Variants in ITGA8 observed in about 807,000 individuals in gnomAD.
ITGA8 encodes the protein integrin alpha-8.
In ITGA8, 91 loss-of-function variants were observed where a neutral mutation model predicts 142.3. The observed-to-expected ratio is 0.64, with a 90% CI of 0.54 to 0.76. ITGA8 has a LOEUF of 0.76. Ranked by LOEUF, ITGA8 falls within the 30% of genes least tolerant of loss-of-function variation. The pLI, the probability that ITGA8 is intolerant of heterozygous loss-of-function variation, is 0.00. For synonymous variants in ITGA8, 505 were observed against 485.2 expected (o/e 1.04, Z -0.54); for missense variants, 1,406 against 1,327.7 (o/e 1.06, Z -0.92).
rs2274288 is a variant in ITGA8 at position 15,548,658 on chromosome 10, A to G, written c.2767-90T>C. ...AGCTTATTTACATTTCATTTCCTCA[A>G]AAGTCATCACCTTATGATAAATTAT... On this transcript the variant is annotated intron_variant, in intron 26 of 29. Transcript: ENST00000378076. The G allele has an allele frequency of 3.9e-5, 29 of 737,486 alleles. No homozygotes were observed. In the East Asian group the frequency reaches 8.0e-4, roughly 20 times the overall value. 45.7% of individuals were successfully genotyped at this position (737,486 alleles called of 1,614,324 possible).
Position 15,561,209 on chromosome 10 carries a change from C to CTATATATATATATATATATATATATATG in ITGA8, c.2638-3008_2638-3007insCATATATATATATATATATATATATATA, listed in dbSNP as rs529527480. ...CTGGCCAAGTCTCCTTATCTGTTGG[C>CTATATATATATATATATATATATATATG]TATATATATATATATATATATATAT... On this transcript the variant is annotated intron_variant, in intron 25 of 29. Coordinates refer to ENST00000378076, the MANE Select transcript of ITGA8 (RefSeq NM_003638.3). 1.5e-4 allele frequency among the ~76,000 whole-genome samples: 17 copies of CTATATATATATATATATATATATATATG among 116,960 alleles called. 1 individual carries two copies. Among genetic ancestry groups the CTATATATATATATATATATATATATATG allele is most frequent in the South Asian group, 2.8e-4 (1 of 3,584 alleles). The allele number at this position is 116,960 out of a possible 152,430, so 76.7% of individuals were successfully genotyped here.
chr10:15,545,851 A>C (rs938699170), intron 27 of ITGA8, among the ~76,000 whole-genome samples: 6 of 152,118 alleles, frequency 3.9e-5, no homozygotes, highest in Non-Finnish European at 8.8e-5. Context: ...TGTGTTCTTT[A>C]AAAAACGTAA....
At chr10:15,545,755 C>T (rs547243257) in intron 27 of ITGA8, among the ~76,000 whole-genome samples, 31 of 152,112 alleles carry the variant, frequency 2.0e-4, no homozygotes, top group Admixed American at 2.0e-3. Flanking sequence ...GCCTGAGATT[C>T]ATCCATGCCA....
chr10:15,658,887 C>G, intron 10 of ITGA8, 112 bp downstream of exon 10: 1 of 744,542 alleles, frequency 1.3e-6, no homozygotes, highest in South Asian at 1.7e-5. Flanking sequence ...GTTTCCAGTA[C>G]GTAGTAGCTG....
intron 2 of ITGA8, among the ~76,000 whole-genome samples, chr10:15,690,638 CAA>C (rs1315263352): frequency 2.6e-5 from 4 of 152,182 alleles, no homozygotes; most frequent in African/African-American, 7.2e-5. Context: ...GGACCCAACA[CAA>C]AGAGGGATCT....
At chr10:15,694,678 C>CATATATATATATAT (rs71374639) in intron 2 of ITGA8, among the ~76,000 whole-genome samples, 5,749 of 77,298 alleles carry the variant, frequency 0.074, 418 homozygotes, top group South Asian at 0.098. Context: ...TATTTGTCGA[C>CATATATATATATAT]ATATATATAT....
chr10:15,670,823 G>C (rs1041671233), intron 8 of ITGA8, among the ~76,000 whole-genome samples: 2 of 152,104 alleles, frequency 1.3e-5, no homozygotes, highest in Non-Finnish European at 2.9e-5. Context: ...GCTGAGCCCA[G>C]ACTTTGCTCG....
chr10:15,593,839 ATTT>A (rs35907545), intron 21 of ITGA8, among the ~76,000 whole-genome samples: 30 of 137,294 alleles, frequency 2.2e-4, no homozygotes, highest in South Asian at 6.9e-4. Context: ...CCCAGCAAAG[ATTT>A]TTTTTTTTTT....
In ITGA8 at chr10:15,572,189, A is replaced by G. The variant is rs374662545; in HGVS notation, c.2637+22T>C. ...CCATAAAAATAAAATCAACAAAGCC[A>G]CTGATTAGACCAGACTCCTACCTTT... On this transcript the variant is annotated intron_variant, in intron 25 of 29. Coordinates refer to ENST00000378076, the MANE Select transcript of ITGA8 (RefSeq NM_003638.3). 1.6e-5 allele frequency: 25 copies of G among 1,544,864 alleles called. No individual in the cohort carries two copies. In the African/African-American group the frequency reaches 3.0e-4, roughly 19 times the overall value.
intron 2 of ITGA8, among the ~76,000 whole-genome samples, chr10:15,691,328 A>G (rs1834929990): frequency 6.6e-6 from 1 of 152,228 alleles, no homozygotes; most frequent in Non-Finnish European, 1.5e-5. Flanking sequence ...TGATCCAGCA[A>G]TCCCACTACT....
At chr10:15,558,041 T>A in intron 26 of ITGA8, 33 bp downstream of exon 26, 1 of 1,612,300 alleles carries the variant, frequency 6.2e-7, no homozygotes, top group Non-Finnish European at 8.5e-7. Flanking sequence ...GCCACTCATT[T>A]CCCTCAGTTC....
chr10:15,555,639 CT>C (rs1394878697), intron 26 of ITGA8, among the ~76,000 whole-genome samples: 3 of 152,018 alleles, frequency 2.0e-5, no homozygotes, highest in Non-Finnish European at 4.4e-5. Flanking sequence ...ACTGCTGCCC[CT>C]GTAGAAAGAA....
rs556759016 is a variant in ITGA8, at chr10:15,674,852, A to G, written c.677-2103T>C. On this transcript the variant is annotated intron_variant, in intron 6 of 29. Coordinates refer to ENST00000378076, the MANE Select transcript of ITGA8 (RefSeq NM_003638.3). ...CTACTCAGGAGGCAGAGGCAGGAGAATCACTTAAACCTGGGAGGCAGAGGT... is the reference window on the plus strand; with the variant it reads ...CTACTCAGGAGGCAGAGGCAGGAGAGTCACTTAAACCTGGGAGGCAGAGGT... Among the ~76,000 whole-genome samples, 36 of 152,168 alleles carry G rather than the reference A, an allele frequency of 2.4e-4. No homozygotes were observed. In the South Asian group the frequency reaches 5.2e-3, roughly 22 times the overall value.
chr10:15,687,916 C>G lies in ITGA8; in HGVS notation c.444+22G>C, dbSNP rs775390081. On this transcript the variant is annotated intron_variant, in intron 3 of 29. Transcript: ENST00000378076. The stretch of plus-strand genomic sequence containing the variant: ...CACACCATACTCCAAAGCAGCAGCA[C>G]AAGCCCACGGCTCATACTCACCACA... 4.2e-6 allele frequency: 6 copies of G among 1,415,206 alleles called. No individual in the cohort carries two copies. In the Admixed American group the frequency reaches 1.0e-4, roughly 24 times the overall value. 87.7% of individuals were successfully genotyped at this position (1,415,206 alleles called of 1,614,324 possible). A position where few individuals can be genotyped will look rare whatever the true frequency, so the allele number is the denominator to read the frequency against.
intron 13 of ITGA8, among the ~76,000 whole-genome samples, chr10:15,618,390 T>C (rs945129204): frequency 6.6e-6 from 1 of 152,154 alleles, no homozygotes; most frequent in Non-Finnish European, 1.5e-5. Flanking sequence ...CCACTCCATA[T>C]GGAAAACTAA....
At chr10:15,582,473 A>G (rs1564361173) in intron 23 of ITGA8, among the ~76,000 whole-genome samples, 1 of 152,236 alleles carries the variant, frequency 6.6e-6, no homozygotes, top group Non-Finnish European at 1.5e-5. Context: ...GAACATCACT[A>G]TTAAGGAAAT....
chr10:15,679,479 G>T (rs1834695586), intron 4 of ITGA8, among the ~76,000 whole-genome samples: 2 of 152,282 alleles, frequency 1.3e-5, no homozygotes, highest in South Asian at 4.2e-4. Context: ...CTACTTGAGA[G>T]GCTGAGGCAG....
In ITGA8 at chr10:15,644,040, A is replaced by G. The variant is rs566743126; in HGVS notation, c.1389T>C (p.Asn463=). The G allele has an allele frequency of 1.9e-6, 3 of 1,612,496 alleles. No individual in the cohort carries two copies. In the South Asian group the frequency reaches 3.3e-5, roughly 18 times the overall value. Residue 463 remains asparagine, a synonymous_variant, in exon 13 of 30, where the codon AAT becomes AAC. Coordinates refer to ENST00000378076, the MANE Select transcript of ITGA8 (RefSeq NM_003638.3). ...GAAAGAAAACCTTACCTGGGTAATC[A>G]TTCTTGTCTATGTCTGAATCTCCTC... ...TLRGDSDIDK[N]DYPDLIVGAF...
At chr10:15,694,853 A>G (rs777476229) in intron 2 of ITGA8, among the ~76,000 whole-genome samples, 40 of 151,644 alleles carry the variant, frequency 2.6e-4, no homozygotes, top group Non-Finnish European at 5.3e-4. Flanking sequence ...AACATTGTCA[A>G]TGTGGCTTAG....
Sources: gnomAD v4.1 joint callset for allele counts (sites outside exome capture counted in the v4.1 genomes callset) on GRCh38, gnomAD v4.1.1 for gene constraint, MANE v1.5 for transcripts, NCBI Gene and HGNC (gene_info 2026-07-23, HGNC 2026-07-21) for gene names.